MPP7: variants seen among roughly 807,000 people sequenced by gnomAD.
The protein encoded by MPP7 is MAGUK p55 scaffold protein 7.
MPP7 carries 60 observed loss-of-function variants against 76.5 expected under a neutral mutation model. The ratio of observed to expected loss-of-function variants is 0.78; its 90% confidence interval spans 0.64 to 0.97. The LOEUF (loss-of-function observed/expected upper bound fraction) is 0.97, where lower values mean the gene tolerates loss of function less well. Ranked by LOEUF, MPP7 falls within the 50% of genes least tolerant of loss-of-function variation. The pLI is 0.00. For missense variants in MPP7, 641 were observed against 694.0 expected, an observed-to-expected ratio of 0.92 and a Z score of 0.86; for synonymous variants, 237 against 244.5, an observed-to-expected ratio of 0.97 and a Z score of 0.29.
At chr10:28,163,004 A>C (rs1383236937) in intron 3 of MPP7, among the ~76,000 whole-genome samples, 3 of 152,120 alleles carry the variant, frequency 2.0e-5, no homozygotes, top group Non-Finnish European at 2.9e-5. Flanking sequence ...TAATCTTCCT[A>C]TCTCAAGGTC....
At chr10:28,266,427 T>A (rs1307290452) in intron 1 of MPP7, among the ~76,000 whole-genome samples, 4 of 152,156 alleles carry the variant, frequency 2.6e-5, no homozygotes, top group African/African-American at 9.7e-5. Context: ...CAGGTCCTCA[T>A]AACATATAGT....
At chr10:28,128,816 C>T (rs147523476) in intron 6 of MPP7, among the ~76,000 whole-genome samples, 1 of 152,252 alleles carries the variant, frequency 6.6e-6, no homozygotes, top group Non-Finnish European at 1.5e-5. Flanking sequence ...GAAGAAAAGA[C>T]TGGAAGAGAA....
chr10:28,312,772 G>T (rs1291256158), intron 2 of MPP7, among the ~76,000 whole-genome samples: 1 of 152,140 alleles, frequency 6.6e-6, no homozygotes, highest in African/African-American at 2.4e-5. Flanking sequence ...AGGGAGCATC[G>T]CAAGCAAAGT....
intron 12 of MPP7, among the ~76,000 whole-genome samples, chr10:28,081,902 G>A (rs539625855): frequency 1.3e-5 from 2 of 151,988 alleles, no homozygotes; most frequent in South Asian, 2.1e-4. Flanking sequence ...ACAGGTGACT[G>A]CCAACACATC....
chr10:28,286,172 G>A (rs1043186934), intron 1 of MPP7, among the ~76,000 whole-genome samples: 20 of 151,920 alleles, frequency 1.3e-4, no homozygotes, highest in African/African-American at 4.6e-4. Context: ...GTGAAACCTC[G>A]TCTCTACTAA....
At chr10:28,320,404 G>T (rs369863101) in intron 2 of MPP7, among the ~76,000 whole-genome samples, 1 of 90,916 alleles carries the variant, frequency 1.1e-5, no homozygotes. Context: ...AGTTACTGAA[G>T]ATTTTTTTTT....
At chr10:28,067,590 C>T (rs138035041) in intron 13 of MPP7, among the ~76,000 whole-genome samples, 49 of 152,276 alleles carry the variant, frequency 3.2e-4, no homozygotes, top group African/African-American at 1.2e-3. Flanking sequence ...GAGTCCCAGT[C>T]CCACAACCTT....
rs141840017 is a variant in MPP7 at position 28,150,022 on chromosome 10, G to A, written c.194C>T (p.Pro65Leu). Residue 65 changes from proline to leucine, a missense_variant, in exon 4 of 17, where the codon CCG becomes CTG. Physicochemically the swap from Pro to Leu is moderately conservative, Grantham distance 98. Transcript: ENST00000683449. The part of the protein sequence containing the change: ...EKLHYYEKQS[P>L]VPILHGAAAL... ...CGCCGCACCATGGAGAATGGGCACC[G>A]GACTCTGCTTCTCATAGTAGTGTAG... 8.2e-5 allele frequency: 133 copies of A among 1,613,594 alleles called. No homozygotes were observed. The African/African-American group carries it at 1.1e-3, about 14-fold the overall frequency.
chr10:28,258,154 G>A (rs1036149997), intron 1 of MPP7, among the ~76,000 whole-genome samples: 16 of 150,592 alleles, frequency 1.1e-4, no homozygotes, highest in Admixed American at 3.3e-4. Flanking sequence ...CTATAAGAAG[G>A]GGACAGACAC....
intron 11 of MPP7, chr10:28,118,398 C>T (rs914529627): frequency 4.2e-5 from 41 of 981,302 alleles, no homozygotes; most frequent in Admixed American, 6.2e-5. Flanking sequence ...AGTATGGATC[C>T]AGATTCGAGT....
intron 1 of MPP7, among the ~76,000 whole-genome samples, chr10:28,252,724 CA>C (rs1342477910): frequency 6.6e-6 from 1 of 152,088 alleles, no homozygotes; most frequent in Non-Finnish European, 1.5e-5. Context: ...TCATAGCGGA[CA>C]TTCAACAGGC....
chr10:28,154,353 C>T (rs1588857455), intron 3 of MPP7, among the ~76,000 whole-genome samples: 1 of 152,148 alleles, frequency 6.6e-6, no homozygotes, highest in Non-Finnish European at 1.5e-5. Context: ...AACTTGGAGG[C>T]TGTACCTTTG....
At chr10:28,253,878 C>T (rs1205791923) in intron 1 of MPP7, among the ~76,000 whole-genome samples, 1 of 151,642 alleles carries the variant, frequency 6.6e-6, no homozygotes, top group East Asian at 1.9e-4. Flanking sequence ...CACCTGCAGT[C>T]CCAGCTACTA....
Position 28,172,198 on chromosome 10 carries a change from G to A in MPP7, c.157-22139C>T, listed in dbSNP as rs1405970886. Among the ~76,000 whole-genome samples the A allele has an allele frequency of 2.0e-5, 3 of 152,174 alleles. No homozygotes were observed. In the East Asian group the frequency reaches 5.8e-4, roughly 29 times the overall value. On this transcript the variant is annotated intron_variant, in intron 3 of 16. Coordinates refer to ENST00000683449, the MANE Select transcript of MPP7 (RefSeq NM_001318170.2). ...CTAATTGTCCTATTAATTTCAAGAG[G>A]ATATTTTACTAAAATGCCAGGTAGG...
At chr10:28,261,698 T>C (rs1422319585) in intron 1 of MPP7, among the ~76,000 whole-genome samples, 3 of 152,126 alleles carry the variant, frequency 2.0e-5, no homozygotes, top group Non-Finnish European at 2.9e-5. Context: ...TACTCACAAA[T>C]ACATTTCTCT....
At chr10:28,285,423 G>C (rs950875398) in intron 1 of MPP7, among the ~76,000 whole-genome samples, 2 of 152,084 alleles carry the variant, frequency 1.3e-5, no homozygotes, top group African/African-American at 4.8e-5. Context: ...GGCCTAAGAT[G>C]ATCCGTCCAC....
intron 1 of MPP7, among the ~76,000 whole-genome samples, chr10:28,300,867 G>A (rs1279799620): frequency 2.6e-5 from 4 of 151,158 alleles, no homozygotes; most frequent in Non-Finnish European, 5.9e-5. Flanking sequence ...GCTGAGGCAG[G>A]AGAATCACTT....
At chr10:28,264,505 G>T (rs1840083739) in intron 1 of MPP7, among the ~76,000 whole-genome samples, 1 of 151,880 alleles carries the variant, frequency 6.6e-6, no homozygotes, top group Non-Finnish European at 1.5e-5. Context: ...GACCGTCCTG[G>T]TGTCTGCCTT....
At chr10:28,250,522 C>T (rs988816703) in intron 1 of MPP7, among the ~76,000 whole-genome samples, 12 of 152,192 alleles carry the variant, frequency 7.9e-5, no homozygotes, top group Non-Finnish European at 1.5e-4. Context: ...TTCCCACCTC[C>T]AACCCATCCT....
Sources: allele counts gnomAD v4.1 joint callset (sites outside exome capture counted in the v4.1 genomes callset), GRCh38; gene constraint gnomAD v4.1.1; transcripts MANE v1.5; gene names NCBI Gene and HGNC (gene_info 2026-07-23, HGNC 2026-07-21).